The following PTDSS1 variants were observed in gnomAD, a reference collection of about 807,000 sequenced individuals.
The protein encoded by PTDSS1 is PSS-1.
PTDSS1 carries 45 observed loss-of-function variants against 70.5 expected under a neutral mutation model. The ratio of observed to expected loss-of-function variants is 0.64; its 90% CI spans 0.50 to 0.82. The LOEUF is 0.82. Among genes scored for constraint, PTDSS1 ranks in the 40% least tolerant of loss-of-function variants. The pLI, the probability that PTDSS1 is intolerant of heterozygous loss-of-function variation, is 0.00. For missense variants in PTDSS1, 417 were observed against 586.1 expected (o/e 0.71, Z 2.98); for synonymous variants, 188 against 203.8 (o/e 0.92, Z 0.66).
intron 2 of PTDSS1, among the ~76,000 whole-genome samples, chr8:96,281,750 G>A (rs143269821): frequency 1.1e-4 from 17 of 152,150 alleles, no homozygotes; most frequent in African/African-American, 4.1e-4. Context: ...AAAGTTCATA[G>A]GAAAGTCCCC....
At chr8:96,282,339 G>A (rs1378559845) in intron 2 of PTDSS1, among the ~76,000 whole-genome samples, 2 of 152,198 alleles carry the variant, frequency 1.3e-5, no homozygotes, top group South Asian at 2.1e-4. Context: ...ACATTACCTG[G>A]CGGGGGATCC....
intron 9 of PTDSS1, among the ~76,000 whole-genome samples, chr8:96,319,775 G>A (rs1411983810): frequency 6.6e-6 from 1 of 152,156 alleles, no homozygotes; most frequent in Non-Finnish European, 1.5e-5. Flanking sequence ...TTTCTCACCT[G>A]CGACATGCTA....
intron 2 of PTDSS1, among the ~76,000 whole-genome samples, chr8:96,275,228 G>A (rs1373764659): frequency 3.9e-5 from 6 of 152,086 alleles, no homozygotes; most frequent in East Asian, 1.9e-4. Flanking sequence ...TGGTTATAGG[G>A]CACTACATCC....
intron 2 of PTDSS1, among the ~76,000 whole-genome samples, chr8:96,281,288 TA>T (rs1810732308): frequency 1.3e-5 from 2 of 152,182 alleles, no homozygotes; most frequent in Admixed American, 1.3e-4. Flanking sequence ...AATACCACTT[TA>T]AAAAATTCAG....
rs558219137 is a variant in PTDSS1, at chr8:96,336,383, C to T, written c.*2817C>T. On this transcript the variant is annotated 3_prime_UTR_variant, in exon 13 of 13. Transcript: ENST00000517309. Reference sequence around the variant, plus strand: ...GAATTGGGAGGGTTTTGGGTAGAATCCTGCACTTACAGAGGCCCTTGGGGT... The same window carrying T: ...GAATTGGGAGGGTTTTGGGTAGAATTCTGCACTTACAGAGGCCCTTGGGGT... The T allele has an allele frequency of 3.0e-4, 45 of 152,086 alleles. 1 individual carries two copies. Among genetic ancestry groups the T allele is most frequent in the African/African-American group, 1.1e-3 (44 of 41,350 alleles). 9.4% of individuals were successfully genotyped at this position (152,086 alleles called of 1,614,324 possible).
Position 96,284,677 on chromosome 8 carries a change from G to T in PTDSS1, c.316+524G>T, listed in dbSNP as rs912218672. Among the ~76,000 whole-genome samples the T allele has an allele frequency of 2.6e-5, 4 of 152,202 alleles. No individual in the cohort carries two copies. In the East Asian group the frequency reaches 5.8e-4, roughly 22 times the overall value. On this transcript the variant is annotated intron_variant, in intron 3 of 12. Coordinates refer to ENST00000517309, the MANE Select transcript of PTDSS1 (RefSeq NM_014754.3). Reference sequence around the variant, plus strand: ...TGTCTTATTTTTACTTAATTTTGTAGTCTAAATAGTGAAATCACCTAAAGG... The same window carrying T: ...TGTCTTATTTTTACTTAATTTTGTATTCTAAATAGTGAAATCACCTAAAGG...
chr8:96,327,504 A>T (rs1811454478), intron 10 of PTDSS1, among the ~76,000 whole-genome samples: 1 of 152,184 alleles, frequency 6.6e-6, no homozygotes, highest in Admixed American at 6.5e-5. Context: ...AAAGAGCAAG[A>T]TTGATCGCAG....
At chr8:96,311,829 C>T (rs1013559430) in intron 9 of PTDSS1, among the ~76,000 whole-genome samples, 11 of 152,208 alleles carry the variant, frequency 7.2e-5, no homozygotes, top group African/African-American at 2.2e-4. Flanking sequence ...GTGGCGCTCC[C>T]GCTTCATGTG....
chr8:96,290,342 T>A (rs1267520683), intron 4 of PTDSS1, among the ~76,000 whole-genome samples: 1 of 152,204 alleles, frequency 6.6e-6, no homozygotes, highest in Admixed American at 6.5e-5. Flanking sequence ...TGCAGGTGGA[T>A]GTGCTTGTGT....
Position 96,261,955 on chromosome 8 carries a change from T to A in PTDSS1, c.-86T>A, listed in dbSNP as rs557274499. 2.3e-4 allele frequency: 326 copies of A among 1,401,670 alleles called. 3 individuals carry two copies. In the East Asian group the frequency reaches 8.0e-3, roughly 35 times the overall value. 86.8% of individuals were successfully genotyped at this position (1,401,670 alleles called of 1,614,324 possible). ...CAGACCCGGCTTTGCCGTCCGGCTA[T>A]TAGCCTACTGTGGCTAGTCACCCCC... is the stretch of plus-strand genomic sequence containing the variant. On this transcript the variant is annotated 5_prime_UTR_variant, in exon 1 of 13. Coordinates refer to ENST00000517309, the MANE Select transcript of PTDSS1 (RefSeq NM_014754.3).
chr8:96,320,973 G>C (rs1811366375), intron 10 of PTDSS1, among the ~76,000 whole-genome samples: 3 of 152,154 alleles, frequency 2.0e-5, no homozygotes. Context: ...TTTTGTAACT[G>C]CCATTCTTCA....
chr8:96,273,312 C>T lies in PTDSS1; in HGVS notation c.193C>T (p.Pro65Ser), dbSNP rs1293872968. Residue 65 changes from proline (P) to serine (S), a missense_variant, in exon 2 of 13, where the codon CCA becomes TCA. Physicochemically the swap from Pro to Ser is moderately conservative, Grantham distance 74 (BLOSUM62 -1). Coordinates refer to ENST00000517309, the MANE Select transcript of PTDSS1 (RefSeq NM_014754.3). ...YFAFTRDDSVPEDNIWRGILS... is the reference protein window; with the variant it reads ...YFAFTRDDSVSEDNIWRGILS... ...TTCTATTTTCAGGGATGACTCTGTTCCAGAAGACAACATCTGGAGAGGCAT... is the reference window on the plus strand; with the variant it reads ...TTCTATTTTCAGGGATGACTCTGTTTCAGAAGACAACATCTGGAGAGGCAT... 4 of 1,608,090 alleles carry T rather than the reference C, an allele frequency of 2.5e-6. 1 individual carries two copies. The highest frequency in any genetic ancestry group is 2.5e-6 in the Non-Finnish European group (3 of 1,177,738).
chr8:96,330,727 C>T (rs1300343691), intron 11 of PTDSS1: 8 of 412,112 alleles, frequency 1.9e-5, no homozygotes, highest in South Asian at 1.8e-4. Flanking sequence ...CTTTAAGACA[C>T]GATGGCCGTC....
At chr8:96,298,324 C>G (rs1297493133) in intron 5 of PTDSS1, among the ~76,000 whole-genome samples, 1 of 152,162 alleles carries the variant, frequency 6.6e-6, no homozygotes, top group Non-Finnish European at 1.5e-5. Context: ...ACTGTTTTAT[C>G]TTTGCAGTAT....
At position 96,335,830 on chromosome 8, in the gene PTDSS1, C is replaced by G. The variant is rs1199772627; in HGVS notation, c.*2264C>G. The G allele has an allele frequency of 1.3e-5, 2 of 152,164 alleles. No individual in the cohort carries two copies. Among genetic ancestry groups the G allele is most frequent in the Non-Finnish European group, 2.9e-5 (2 of 68,020 alleles). 9.4% of individuals were successfully genotyped at this position (152,164 alleles called of 1,614,324 possible). On this transcript the variant is annotated 3_prime_UTR_variant, in exon 13 of 13. Coordinates refer to ENST00000517309, the MANE Select transcript of PTDSS1 (RefSeq NM_014754.3). The stretch of plus-strand genomic sequence containing the variant: ...ACCGTTTCTATGGAAATAAACCTCA[C>G]ATTGATGGAAATAGAATGCGTGTTT...
chr8:96,271,257 A>C (rs1359907759), intron 1 of PTDSS1, among the ~76,000 whole-genome samples: 2 of 152,184 alleles, frequency 1.3e-5, no homozygotes, highest in Admixed American at 1.3e-4. Flanking sequence ...ATACCCATAC[A>C]CATTCCCCAC....
In PTDSS1 at chr8:96,287,003, A is replaced by C; in HGVS notation, c.317-19A>C. 6.2e-7 allele frequency: 1 copy of C among 1,613,594 alleles called. No homozygotes were observed. Among genetic ancestry groups the C allele is most frequent in the East Asian group, 2.2e-5 (1 of 44,852 alleles). ...TATTGGATCTCTTCTAAACTTCAGCATGTTTTTGTTTCTCTCAGGACTCAG... is the reference window on the plus strand; with the variant it reads ...TATTGGATCTCTTCTAAACTTCAGCCTGTTTTTGTTTCTCTCAGGACTCAG... On this transcript the variant is annotated intron_variant, in intron 3 of 12. Transcript: ENST00000517309.
chr8:96,329,599 T>G (rs1351219011), intron 10 of PTDSS1, among the ~76,000 whole-genome samples: 1 of 152,192 alleles, frequency 6.6e-6, no homozygotes, highest in Non-Finnish European at 1.5e-5. Context: ...ACCCTCCTCA[T>G]TCCACTCAGG....
At chr8:96,289,668 G>A (rs1161373799) in intron 4 of PTDSS1, among the ~76,000 whole-genome samples, 1 of 152,084 alleles carries the variant, frequency 6.6e-6, no homozygotes, top group African/African-American at 2.4e-5. Flanking sequence ...GGGAATTTGG[G>A]CCATAGATGG....
Sources: gnomAD v4.1 joint callset for allele counts (sites outside exome capture counted in the v4.1 genomes callset) on GRCh38, gnomAD v4.1.1 for gene constraint, MANE v1.5 for transcripts, NCBI Gene and HGNC (gene_info 2026-07-23, HGNC 2026-07-21) for gene names.